Variants in APOL6 observed in about 807,000 individuals in gnomAD.
The protein encoded by APOL6 is apolipoprotein L, 6.
Under a neutral mutation model 2.4 loss-of-function variants are expected in APOL6, and 1 was observed. The observed-to-expected ratio is 0.41, with a 90% CI of 0.15 to 1.94. APOL6 has a LOEUF of 1.94. Among genes scored for constraint, APOL6 ranks in the 30% most tolerant of loss-of-function variants. The probability of loss-of-function intolerance (pLI) is 0.30; values close to 1 mark genes in which losing one functional copy is unlikely to be tolerated. For synonymous variants in APOL6, 189 were observed against 169.3 expected, an observed-to-expected ratio of 1.12 and a Z score of -0.90; for missense variants, 438 against 429.2, an observed-to-expected ratio of 1.02 and a Z score of -0.18.
intron 2 of APOL6, among the ~76,000 whole-genome samples, chr22:35,657,293 C>A (rs1263786592): frequency 2.0e-5 from 3 of 152,152 alleles, no homozygotes; most frequent in African/African-American, 7.2e-5. Context: ...TTCATCCCAC[C>A]CCTTCCCCAT....
chr22:35,652,649 A>G (rs1433702637), intron 1 of APOL6, among the ~76,000 whole-genome samples: 5 of 152,262 alleles, frequency 3.3e-5, no homozygotes, highest in Non-Finnish European at 7.3e-5. Flanking sequence ...TTTATTAAAC[A>G]GGGAATCATT....
intron 1 of APOL6, among the ~76,000 whole-genome samples, chr22:35,652,344 G>C (rs1350270925): frequency 6.6e-6 from 1 of 151,762 alleles, no homozygotes; most frequent in African/African-American, 2.4e-5. Context: ...CCATTCTGTA[G>C]GTTGCCTGTT....
rs1446698848 is a variant in APOL6, at chr22:35,668,265, T to C, written c.*8669T>C. 2 of 152,242 alleles carry C rather than the reference T, an allele frequency of 1.3e-5. No individual in the cohort carries two copies. The highest frequency in any genetic ancestry group is 4.8e-5 in the African/African-American group (2 of 41,458). 9.4% of individuals were successfully genotyped at this position (152,242 alleles called of 1,614,324 possible). ...CAATGTATATCTTAAATGTATTTGATTGATCTCTCATGTCTCCCTAAAATG... is the reference window on the plus strand; with the variant it reads ...CAATGTATATCTTAAATGTATTTGACTGATCTCTCATGTCTCCCTAAAATG... On this transcript the variant is annotated 3_prime_UTR_variant, in exon 3 of 3. Transcript: ENST00000409652.
chr22:35,656,306 A>T, intron 1 of APOL6, 73 bp from the exon 2 acceptor site: 1 of 1,179,236 alleles, frequency 8.5e-7, no homozygotes, highest in Non-Finnish European at 1.3e-6. Flanking sequence ...ATAATCCAAA[A>T]TCCCTCCACA....
At chr22:35,656,525 G>A in intron 2 of APOL6, 50 bp downstream of exon 2, 1 of 1,601,782 alleles carries the variant, frequency 6.2e-7, no homozygotes, top group Non-Finnish European at 8.6e-7. Context: ...CTGTTGAAAT[G>A]CTGCAGGCAT....
rs60161381 is a variant in APOL6, at chr22:35,661,357, C to CAAAAAAAAAAAAAA, written c.*1772_*1785dup. 3 of 42,576 alleles carry CAAAAAAAAAAAAAA rather than the reference C, an allele frequency of 7.0e-5. No individual in the cohort carries two copies. Among genetic ancestry groups the CAAAAAAAAAAAAAA allele is most frequent in the East Asian group, 6.7e-4 (1 of 1,482 alleles). 2.6% of individuals were successfully genotyped at this position (42,576 alleles called of 1,614,324 possible). On this transcript the variant is annotated 3_prime_UTR_variant, in exon 3 of 3. Coordinates refer to ENST00000409652, the MANE Select transcript of APOL6 (RefSeq NM_030641.4). ...TGGGTGTCAGAATGAGACCCCATCT[C>CAAAAAAAAAAAAAA]AAAAAAAAAAAAAAAAAAAAAAAAG...
intron 2 of APOL6, among the ~76,000 whole-genome samples, chr22:35,657,405 G>A (rs1924874241): frequency 6.6e-6 from 1 of 152,158 alleles, no homozygotes; most frequent in Non-Finnish European, 1.5e-5. Flanking sequence ...TAAAACATAT[G>A]CTCGATGGTA....
At position 35,661,084 on chromosome 22, in the gene APOL6, A is replaced by T. The variant is rs1198406404; in HGVS notation, c.*1488A>T. On this transcript the variant is annotated 3_prime_UTR_variant, in exon 3 of 3. Transcript: ENST00000409652. ...TAGGGGGAGGAAGTCTGTGGTGAGC[A>T]AAGTTTGCCTTATTACACTGATAAA... 2.6e-5 allele frequency: 4 copies of T among 152,166 alleles called. No homozygotes were observed. The highest frequency in any genetic ancestry group is 5.9e-5 in the Non-Finnish European group (4 of 68,044). The allele number at this position is 152,166 out of a possible 1,614,324, so 9.4% of individuals were successfully genotyped here.
rs564571719 is a variant in APOL6, at chr22:35,659,471, G to C, written c.907G>C (p.Val303Leu). Residue 303 changes from valine (V) to leucine (L), a missense_variant, in exon 3 of 3, where the codon GTG becomes CTG. Val to Leu is a conservative substitution (Grantham distance 32). Coordinates refer to ENST00000409652, the MANE Select transcript of APOL6 (RefSeq NM_030641.4). ...QQKVRSRARG[V>L]GKDLTGTCET... ...GAAAGTGAGGTCAAGGGCCAGAGGGGTGGGGAAGGATTTAACTGGGACCTG... is the reference window on the plus strand; with the variant it reads ...GAAAGTGAGGTCAAGGGCCAGAGGGCTGGGGAAGGATTTAACTGGGACCTG... The C allele has an allele frequency of 5.0e-6, 8 of 1,614,064 alleles. No individual in the cohort carries two copies. The highest frequency in any genetic ancestry group is 1.6e-4 in the Middle Eastern group (1 of 6,062).
rs947202758 is a variant in APOL6, at chr22:35,663,825, T to C, written c.*4229T>C. On this transcript the variant is annotated 3_prime_UTR_variant, in exon 3 of 3. Coordinates refer to ENST00000409652, the MANE Select transcript of APOL6 (RefSeq NM_030641.4). ...GGGTTGTAAAACAGGTTATCAAGAA[T>C]CTGAAAGTCTAAGATAGGAAAAAAA... 6.6e-6 allele frequency: 1 copy of C among 152,078 alleles called. No individual in the cohort carries two copies. Among genetic ancestry groups the C allele is most frequent in the African/African-American group, 2.4e-5 (1 of 41,416 alleles). 9.4% of individuals were successfully genotyped at this position (152,078 alleles called of 1,614,324 possible). A position where few individuals can be genotyped will look rare whatever the true frequency, so the allele number is the denominator to read the frequency against.
At chr22:35,658,483 A>T in intron 2 of APOL6, 132 bp from the exon 3 acceptor site, 1 of 785,094 alleles carries the variant, frequency 1.3e-6, no homozygotes, top group South Asian at 1.9e-5. Flanking sequence ...ACAATGCTCT[A>T]GGACTTTTCA....
intron 1 of APOL6, among the ~76,000 whole-genome samples, chr22:35,650,428 G>A (rs1165537171): frequency 6.6e-6 from 1 of 152,158 alleles, no homozygotes; most frequent in African/African-American, 2.4e-5. Flanking sequence ...AATGAAATGC[G>A]ACATGGCTTC....
chr22:35,650,180 G>T (rs563938957), intron 1 of APOL6, among the ~76,000 whole-genome samples: 2 of 152,260 alleles, frequency 1.3e-5, no homozygotes, highest in South Asian at 4.1e-4. Context: ...AACTCTTAAA[G>T]GTGCCAAGCC....
rs763900815 is a variant in APOL6 at position 35,658,825 on chromosome 22, C to T, written c.261C>T (p.Ile87=). The change falls in exon 3 of 3, where the codon ATC becomes ATT. Residue 87 remains isoleucine, a synonymous_variant. Coordinates refer to ENST00000409652, the MANE Select transcript of APOL6 (RefSeq NM_030641.4). ...TGGTGGCCACCTCTACTGCTGTCAT[C>T]TCTGGAGTGATGAGCCTCCTGGGTT... ...ANMVATSTAV[I]SGVMSLLGLA... is the part of the protein sequence containing the mutation. 1.1e-5 allele frequency: 18 copies of T among 1,614,190 alleles called. No homozygotes were observed. The highest frequency in any genetic ancestry group is 6.7e-5 in the East Asian group (3 of 44,878).
In APOL6 at chr22:35,667,519, AG is replaced by A. The variant is rs1925220643; in HGVS notation, c.*7924del. On this transcript the variant is annotated 3_prime_UTR_variant, in exon 3 of 3. Coordinates refer to ENST00000409652, the MANE Select transcript of APOL6 (RefSeq NM_030641.4). ...ACGTTTTTAGAAAGTCCTTGGAAACAGTTCTCATTTCAGACATGTAAGCATG... is the reference window on the plus strand; with the variant it reads ...ACGTTTTTAGAAAGTCCTTGGAAACATTCTCATTTCAGACATGTAAGCATG... 6.6e-6 allele frequency: 1 copy of A among 152,232 alleles called. No individual in the cohort carries two copies. The highest frequency in any genetic ancestry group is 2.4e-5 in the African/African-American group (1 of 41,464). The allele number at this position is 152,232 out of a possible 1,614,324, so 9.4% of individuals were successfully genotyped here. A position where few individuals can be genotyped will look rare whatever the true frequency, so the allele number is the denominator to read the frequency against.
In APOL6 at chr22:35,659,696, C is replaced by A. The variant is rs988742057; in HGVS notation, c.*100C>A. ...CCTGTCCTGGACAGACCTCGGCATG[C>A]CTTCTGTTTCTCCTTCAATGCTCCT... On this transcript the variant is annotated 3_prime_UTR_variant, in exon 3 of 3. Transcript: ENST00000409652. The A allele has an allele frequency of 2.6e-5, 38 of 1,437,134 alleles. No homozygotes were observed. The African/African-American group carries it at 5.1e-4, about 19-fold the overall frequency. 89.0% of individuals were successfully genotyped at this position (1,437,134 alleles called of 1,614,324 possible).
intron 1 of APOL6, among the ~76,000 whole-genome samples, chr22:35,654,966 A>G (rs1004045130): frequency 3.9e-5 from 6 of 152,172 alleles, no homozygotes; most frequent in African/African-American, 1.4e-4. Flanking sequence ...TGGAGATGGT[A>G]CCAGAGGAAG....
intron 1 of APOL6, among the ~76,000 whole-genome samples, chr22:35,650,780 A>T (rs1355014148): frequency 6.6e-6 from 1 of 152,030 alleles, no homozygotes; most frequent in African/African-American, 2.4e-5. Context: ...AAATACAAAA[A>T]TTAGCCGGGT....
At chr22:35,649,272 C>T (rs1016501428) in intron 1 of APOL6, among the ~76,000 whole-genome samples, 1 of 151,654 alleles carries the variant, frequency 6.6e-6, no homozygotes, top group Non-Finnish European at 1.5e-5. Flanking sequence ...CCCGTCTCTA[C>T]AAAAAATCAA....
Sources: gnomAD v4.1 joint callset for allele counts (sites outside exome capture counted in the v4.1 genomes callset) on GRCh38, gnomAD v4.1.1 for gene constraint, MANE v1.5 for transcripts, NCBI Gene and HGNC (gene_info 2026-07-23, HGNC 2026-07-21) for gene names.